Variants in SPOCK1 observed in about 807,000 individuals in gnomAD.
SPOCK1 encodes testican-1.
Under a neutral mutation model 55.3 loss-of-function variants are expected in SPOCK1, and 23 were observed. That is an observed-to-expected ratio of 0.42 (90% CI 0.30 to 0.59). The LOEUF (loss-of-function observed/expected upper bound fraction) is 0.59, where lower values mean the gene tolerates loss of function less well. Ranked by LOEUF, SPOCK1 falls within the 20% of genes least tolerant of loss-of-function variation. The probability of loss-of-function intolerance (pLI) is 0.22; values close to 1 mark genes in which losing one functional copy is unlikely to be tolerated. For missense variants in SPOCK1, 499 were observed against 552.5 expected, an observed-to-expected ratio of 0.90 and a Z score of 0.97; for synonymous variants, 226 against 221.0, an observed-to-expected ratio of 1.02 and a Z score of -0.20.
intron 2 of SPOCK1, among the ~76,000 whole-genome samples, chr5:137,289,679 A>G (rs1020889033): frequency 1.3e-5 from 2 of 152,192 alleles, no homozygotes; most frequent in African/African-American, 2.4e-5. Context: ...GAGCATGCAA[A>G]GAATAAAATT....
chr5:137,067,908 C>T (rs1752541539), intron 5 of SPOCK1, 79 bp from the exon 6 acceptor site: 4 of 1,178,432 alleles, frequency 3.4e-6, no homozygotes, highest in Admixed American at 1.8e-5. Flanking sequence ...AACAGCAGTG[C>T]CCTTTGCTTC....
intron 2 of SPOCK1, among the ~76,000 whole-genome samples, chr5:137,413,518 CT>C (rs34265220): frequency 0.076 from 11,563 of 152,154 alleles, 1,079 homozygotes; most frequent in African/African-American, 0.22. Flanking sequence ...TAGTTTCCCC[CT>C]GATCTTGTCC....
intron 2 of SPOCK1, among the ~76,000 whole-genome samples, chr5:137,372,130 T>A (rs912683073): frequency 1.4e-4 from 21 of 152,236 alleles, no homozygotes; most frequent in African/African-American, 5.1e-4. Flanking sequence ...CACGTCCCAC[T>A]GTGAGCTAGC....
At chr5:137,392,333 G>GCCAGC (rs1751741260) in intron 2 of SPOCK1, among the ~76,000 whole-genome samples, 1 of 152,054 alleles carries the variant, frequency 6.6e-6, no homozygotes, top group Non-Finnish European at 1.5e-5. Flanking sequence ...AATCCCCAAC[G>GCCAGC]CCAGCCCACA....
At chr5:137,383,810 G>A (rs751365175) in intron 2 of SPOCK1, among the ~76,000 whole-genome samples, 1 of 152,222 alleles carries the variant, frequency 6.6e-6, no homozygotes, top group Non-Finnish European at 1.5e-5. Flanking sequence ...AGGCATTGGA[G>A]TCTATTCCAC....
intron 2 of SPOCK1, among the ~76,000 whole-genome samples, chr5:137,391,460 A>G (rs944628716): frequency 1.4e-4 from 22 of 152,146 alleles, no homozygotes; most frequent in African/African-American, 5.1e-4. Context: ...GGCTACCTTA[A>G]GGAGAACAGA....
chr5:137,334,453 G>A (rs746983723), intron 2 of SPOCK1, among the ~76,000 whole-genome samples: 5 of 152,162 alleles, frequency 3.3e-5, no homozygotes, highest in Non-Finnish European at 5.9e-5. Context: ...TAATTAGCTA[G>A]TGCAAACGGA....
At chr5:137,398,842 A>G (rs992647179) in intron 2 of SPOCK1, among the ~76,000 whole-genome samples, 1 of 152,214 alleles carries the variant, frequency 6.6e-6, no homozygotes, top group African/African-American at 2.4e-5. Flanking sequence ...TGCCAAATGC[A>G]CCAGCCTACC....
At chr5:137,334,736 C>T (rs2127153043) in intron 2 of SPOCK1, among the ~76,000 whole-genome samples, 1 of 152,310 alleles carries the variant, frequency 6.6e-6, no homozygotes, top group East Asian at 1.9e-4. Context: ...CACAGTCCTG[C>T]TAACATTTGT....
chr5:137,084,518 G>A (rs1243563525), intron 5 of SPOCK1, among the ~76,000 whole-genome samples: 2 of 152,018 alleles, frequency 1.3e-5, no homozygotes, highest in Non-Finnish European at 2.9e-5. Flanking sequence ...ACAAGGGATG[G>A]AAATGAGGCC....
intron 2 of SPOCK1, among the ~76,000 whole-genome samples, chr5:137,476,932 A>G (rs1753849120): frequency 6.6e-6 from 1 of 152,186 alleles, no homozygotes; most frequent in African/African-American, 2.4e-5. Flanking sequence ...CTCAAAAAAA[A>G]AAGTCTTATG....
intron 4 of SPOCK1, among the ~76,000 whole-genome samples, chr5:137,130,834 G>A (rs937878593): frequency 6.6e-6 from 1 of 152,224 alleles, no homozygotes. Flanking sequence ...TGGGTTCAAT[G>A]TATGCCCATG....
At chr5:137,380,192 G>A (rs900391923) in intron 2 of SPOCK1, among the ~76,000 whole-genome samples, 1 of 152,208 alleles carries the variant, frequency 6.6e-6, no homozygotes, top group African/African-American at 2.4e-5. Flanking sequence ...AAGGGCACAG[G>A]CAGGAGTAGA....
chr5:137,481,941 G>T (rs1457553385), intron 2 of SPOCK1, among the ~76,000 whole-genome samples: 1 of 151,960 alleles, frequency 6.6e-6, no homozygotes, highest in Non-Finnish European at 1.5e-5. Context: ...TTGGCAGGAA[G>T]TTAATATTTA....
chr5:137,020,627 A>C (rs992814623), intron 6 of SPOCK1, among the ~76,000 whole-genome samples: 6 of 152,022 alleles, frequency 3.9e-5, no homozygotes. Flanking sequence ...AGTAAAAAGA[A>C]GCAGCCCACA....
intron 9 of SPOCK1, 108 bp from the exon 10 acceptor site, chr5:136,979,577 G>C (rs1197396529): frequency 8.5e-6 from 12 of 1,414,204 alleles, no homozygotes; most frequent in South Asian, 1.3e-5. Context: ...ATCTGCTGCA[G>C]GGTCAGCAGC....
chr5:137,377,518 G>C (rs1009070609), intron 2 of SPOCK1, among the ~76,000 whole-genome samples: 1 of 152,158 alleles, frequency 6.6e-6, no homozygotes, highest in Admixed American at 6.5e-5. Flanking sequence ...TTTAACTTTA[G>C]AAAAATATTT....
rs896787457 is a variant in SPOCK1 at position 137,212,818 on chromosome 5, C to T, written c.232+54192G>A. 2.6e-5 allele frequency among the ~76,000 whole-genome samples: 4 copies of T among 152,218 alleles called. No homozygotes were observed. The East Asian group carries it at 5.8e-4, about 22-fold the overall frequency. On this transcript the variant is annotated intron_variant, in intron 3 of 10. Coordinates refer to ENST00000394945, the MANE Select transcript of SPOCK1 (RefSeq NM_004598.4). ...CAATGTCAGAGGCTCACTTCTTGCA[C>T]GTGGATAACAGCCTCAAGCGGTTGG...
chr5:137,427,558 T>C (rs1000977014), intron 2 of SPOCK1, among the ~76,000 whole-genome samples: 2 of 152,118 alleles, frequency 1.3e-5, no homozygotes, highest in Admixed American at 6.5e-5. Flanking sequence ...CTCAGAACTA[T>C]GATCTCCCTA....
Sources: gnomAD v4.1 joint callset for allele counts (sites outside exome capture counted in the v4.1 genomes callset) on GRCh38, gnomAD v4.1.1 for gene constraint, MANE v1.5 for transcripts, NCBI Gene and HGNC (gene_info 2026-07-23, HGNC 2026-07-21) for gene names.